Variants in ARPC5L observed in about 807,000 individuals in gnomAD.
ARPC5L encodes actin-related protein 2/3 complex subunit 5-like protein.
ARPC5L carries 4 observed loss-of-function variants against 16.9 expected under a neutral mutation model. The observed-to-expected ratio is 0.24, with a 90% CI of 0.12 to 0.54. The LOEUF (loss-of-function observed/expected upper bound fraction) is 0.54, where lower values mean the gene tolerates loss of function less well. Ranked by LOEUF, ARPC5L falls within the 20% of genes least tolerant of loss-of-function variation. ARPC5L has a pLI of 0.95. For synonymous variants in ARPC5L, 78 were observed against 82.6 expected, an observed-to-expected ratio of 0.94 and a Z score of 0.30; for missense variants, 151 against 201.9, an observed-to-expected ratio of 0.75 and a Z score of 1.53.
At chr9:124,873,346 C>T (rs770277817) in intron 3 of ARPC5L, 16 of 263,226 alleles carry the variant, frequency 6.1e-5, no homozygotes, top group Non-Finnish European at 1.2e-4. Context: ...CTCCAGTTCA[C>T]ATGTACGGGT....
chr9:124,875,231 C>A, intron 5 of ARPC5L, 80 bp downstream of exon 5: 4 of 1,507,594 alleles, frequency 2.7e-6, no homozygotes, highest in Non-Finnish European at 3.6e-6. Flanking sequence ...TTTTCCAGAA[C>A]AAACGTAGGA....
intron 2 of ARPC5L, among the ~76,000 whole-genome samples, chr9:124,867,998 G>A (rs1042574963): frequency 4.6e-5 from 7 of 151,854 alleles, no homozygotes; most frequent in African/African-American, 7.3e-5. Flanking sequence ...TAGTAGACAC[G>A]GGGTTTCAGC....
chr9:124,877,551 G>A lies in ARPC5L; in HGVS notation c.*611G>A, dbSNP rs748337040. 5 of 152,682 alleles carry A rather than the reference G, an allele frequency of 3.3e-5. No individual in the cohort carries two copies. The highest frequency in any genetic ancestry group is 7.2e-5 in the African/African-American group (3 of 41,586). The allele number at this position is 152,682 out of a possible 1,614,324, so 9.5% of individuals were successfully genotyped here. A position where few individuals can be genotyped will look rare whatever the true frequency, so the allele number is the denominator to read the frequency against. ...TCCCTGTTGAGCCACCCCTGGGAGCGAGCATGGCAATCCACAGGCCCTCTG... is the reference window on the plus strand; with the variant it reads ...TCCCTGTTGAGCCACCCCTGGGAGCAAGCATGGCAATCCACAGGCCCTCTG... On this transcript the variant is annotated 3_prime_UTR_variant, in exon 6 of 6. Transcript: ENST00000353214.
chr9:124,866,137 C>A (rs1308363308), intron 2 of ARPC5L, among the ~76,000 whole-genome samples: 2 of 151,778 alleles, frequency 1.3e-5, no homozygotes, highest in Non-Finnish European at 2.9e-5. Flanking sequence ...GGCGCAGTGG[C>A]TCACGTCTGT....
In ARPC5L at chr9:124,877,642, T is replaced by C. The variant is rs1040496010; in HGVS notation, c.*702T>C. ...GCAGAGAGGTGTTTGCTGAATAAAC[T>C]ATTTATTGTTTCTTATTCCTTTGAT... is the stretch of plus-strand genomic sequence containing the variant. On this transcript the variant is annotated 3_prime_UTR_variant, in exon 6 of 6. Transcript: ENST00000353214. 2 of 152,248 alleles carry C rather than the reference T, an allele frequency of 1.3e-5. No homozygotes were observed. The highest frequency in any genetic ancestry group is 4.8e-5 in the African/African-American group (2 of 41,474). The allele number at this position is 152,248 out of a possible 1,614,324, so 9.4% of individuals were successfully genotyped here. A position where few individuals can be genotyped will look rare whatever the true frequency, so the allele number is the denominator to read the frequency against.
intron 4 of ARPC5L, 21 bp downstream of exon 4, chr9:124,873,785 C>T (rs933642264): frequency 6.2e-6 from 10 of 1,613,850 alleles, no homozygotes; most frequent in Non-Finnish European, 8.5e-6. Flanking sequence ...GGCGCTGCGG[C>T]TCTGCTGGGT....
chr9:124,875,288 C>T (rs1163779739), intron 5 of ARPC5L, 137 bp downstream of exon 5: 2 of 957,182 alleles, frequency 2.1e-6, no homozygotes, highest in Admixed American at 2.8e-5. Context: ...CAACCTGGGA[C>T]ATGTCATCAC....
chr9:124,870,015 C>G (rs963146178), intron 3 of ARPC5L, among the ~76,000 whole-genome samples: 1 of 152,186 alleles, frequency 6.6e-6, no homozygotes, highest in African/African-American at 2.4e-5. Context: ...GAGATTGTGT[C>G]TCTCTTCCCC....
rs930077527 is a variant in ARPC5L, at chr9:124,868,670, G to C, written c.-621G>C. The C allele has an allele frequency of 2.0e-5, 3 of 152,346 alleles. No homozygotes were observed. The highest frequency in any genetic ancestry group is 6.5e-5 in the Admixed American group (1 of 15,294). The allele number at this position is 152,346 out of a possible 1,614,324, so 9.4% of individuals were successfully genotyped here. A position where few individuals can be genotyped will look rare whatever the true frequency, so the allele number is the denominator to read the frequency against. Reference sequence around the variant, plus strand: ...TTTAAGAGGGTCACCTCTGTGTACAGGCGGCCTCCTCGTACTAAGTGTGGT... The same window carrying C: ...TTTAAGAGGGTCACCTCTGTGTACACGCGGCCTCCTCGTACTAAGTGTGGT... On this transcript the variant is annotated 5_prime_UTR_variant, in exon 3 of 6. Transcript: ENST00000353214.
intron 2 of ARPC5L, among the ~76,000 whole-genome samples, chr9:124,865,748 G>A (rs912271662): frequency 1.5e-4 from 23 of 152,032 alleles, no homozygotes; most frequent in African/African-American, 4.6e-4. Flanking sequence ...AGCCAAGATT[G>A]CGCCACTTCA....
At chr9:124,863,198 A>G (rs1055712527) in intron 1 of ARPC5L, among the ~76,000 whole-genome samples, 7 of 152,088 alleles carry the variant, frequency 4.6e-5, no homozygotes, top group South Asian at 2.1e-4. Context: ...TCTGTCGCCT[A>G]GGCTGGAGTG....
At chr9:124,865,309 T>A (rs1588040073) in intron 2 of ARPC5L, among the ~76,000 whole-genome samples, 1 of 94,782 alleles carries the variant, frequency 1.1e-5, no homozygotes, top group African/African-American at 4.2e-5. Context: ...AGAGGGAAAC[T>A]CTGTCTAAAA....
chr9:124,864,452 C>A (rs1829243988), intron 2 of ARPC5L, among the ~76,000 whole-genome samples: 1 of 151,778 alleles, frequency 6.6e-6, no homozygotes. Flanking sequence ...ACCTCTGCCT[C>A]CCAGGTTCAA....
chr9:124,875,138 A>G lies in ARPC5L; in HGVS notation c.386A>G (p.Gln129Arg), dbSNP rs1829413771. 1.2e-6 allele frequency: 2 copies of G among 1,613,686 alleles called. No homozygotes were observed. The highest frequency in any genetic ancestry group is 2.7e-5 in the African/African-American group (2 of 74,910). ...PTENSSAVLLQWHEKALAVGG... is the reference protein window; with the variant it reads ...PTENSSAVLLRWHEKALAVGG... ...GAAAATAGCAGCGCAGTGTTACTCC[A>G]GTGGCACGAAAAGGTATGTGAACGC... The change falls in exon 5 of 6, where the codon CAG becomes CGG. Residue 129 changes from glutamine to arginine, a missense_variant. Gln to Arg is a conservative substitution (Grantham distance 43). Transcript: ENST00000353214.
At chr9:124,874,169 C>A (rs1014352232) in intron 4 of ARPC5L, among the ~76,000 whole-genome samples, 1 of 152,204 alleles carries the variant, frequency 6.6e-6, no homozygotes, top group African/African-American at 2.4e-5. Context: ...TACTGCATCA[C>A]CAAGTCTAAA....
Position 124,869,235 on chromosome 9 carries a change from C to G in ARPC5L, c.-56C>G. On this transcript the variant is annotated 5_prime_UTR_variant, in exon 3 of 6. Transcript: ENST00000353214. ...CGAGCAGGAGCCGGTGCGAGCGGAG[C>G]AGAGCCGAGGTCGGGCCGCGAGCGG... The G allele has an allele frequency of 1.4e-6, 2 of 1,466,344 alleles. No individual in the cohort carries two copies. Among genetic ancestry groups the G allele is most frequent in the Non-Finnish European group, 1.8e-6 (2 of 1,111,100 alleles). The allele number at this position is 1,466,344 out of a possible 1,614,324, so 90.8% of individuals were successfully genotyped here.
chr9:124,876,076 A>AGT, intron 5 of ARPC5L, among the ~76,000 whole-genome samples: 1 of 152,288 alleles, frequency 6.6e-6, no homozygotes, highest in Middle Eastern at 3.4e-3. Flanking sequence ...GGCGGCAGTC[A>AGT]GTGGGCTTGT....
rs1829313282 is a variant in ARPC5L, at chr9:124,869,101, G to A, written c.-190G>A. The A allele has an allele frequency of 1.7e-5, 10 of 586,840 alleles. No individual in the cohort carries two copies. The highest frequency in any genetic ancestry group is 2.5e-5 in the Non-Finnish European group (10 of 393,184). The allele number at this position is 586,840 out of a possible 1,614,324, so 36.4% of individuals were successfully genotyped here. On this transcript the variant is annotated 5_prime_UTR_variant, in exon 3 of 6. Coordinates refer to ENST00000353214, the MANE Select transcript of ARPC5L (RefSeq NM_030978.3). ...AGGTGCCAGGCTCCGCCCCGCCCCT[G>A]ACGGCGCTTCCGGATCCGGCGGGTG...
chr9:124,876,827 C>T (rs778542941), intron 5 of ARPC5L, 51 bp from the exon 6 acceptor site: 2 of 1,523,916 alleles, frequency 1.3e-6, no homozygotes, highest in Admixed American at 1.9e-5. Context: ...GCCAGGCTCC[C>T]CTTGGCCAGC....
Sources: gnomAD v4.1 joint callset for allele counts (sites outside exome capture counted in the v4.1 genomes callset) on GRCh38, gnomAD v4.1.1 for gene constraint, MANE v1.5 for transcripts, NCBI Gene and HGNC (gene_info 2026-07-23, HGNC 2026-07-21) for gene names.